PTPRZ1: variants seen among roughly 807,000 people sequenced by gnomAD.
The protein encoded by PTPRZ1 is protein tyrosine phosphatase receptor type Z1, also known as receptor-type tyrosine-protein phosphatase zeta.
PTPRZ1 carries 82 observed loss-of-function variants against 214.1 expected under a neutral mutation model. The ratio of observed to expected loss-of-function variants is 0.38; its 90% CI spans 0.32 to 0.46. The LOEUF (loss-of-function observed/expected upper bound fraction) is 0.46, where lower values mean the gene tolerates loss of function less well. Among genes scored for constraint, PTPRZ1 ranks in the 20% least tolerant of loss-of-function variants. PTPRZ1 has a pLI of 1.00. For missense variants in PTPRZ1, 2,603 were observed against 2,748.7 expected (o/e 0.95, Z 1.19); for synonymous variants, 945 against 987.9 (o/e 0.96, Z 0.81).
chr7:121,933,931 T>G (rs998604434), intron 2 of PTPRZ1, among the ~76,000 whole-genome samples: 9 of 152,156 alleles, frequency 5.9e-5, no homozygotes, highest in African/African-American at 2.2e-4. Context: ...AGACTGTTCC[T>G]TTCTAATTTC....
chr7:121,920,254 G>T (rs1302260040), intron 1 of PTPRZ1, among the ~76,000 whole-genome samples: 1 of 152,144 alleles, frequency 6.6e-6, no homozygotes, highest in Admixed American at 6.6e-5. Flanking sequence ...AGCTTTCAGT[G>T]AAAGTACGTG....
At chr7:121,999,968 G>A (rs2116622354) in intron 10 of PTPRZ1, among the ~76,000 whole-genome samples, 1 of 152,170 alleles carries the variant, frequency 6.6e-6, no homozygotes, top group Non-Finnish European at 1.5e-5. Context: ...ATGCTTGTTT[G>A]GATACACCAT....
chr7:121,911,870 G>A (rs1283657177), intron 1 of PTPRZ1, among the ~76,000 whole-genome samples: 1 of 150,996 alleles, frequency 6.6e-6, no homozygotes, highest in Non-Finnish European at 1.5e-5. Context: ...AATATTACAG[G>A]CACCTAGATA....
intron 3 of PTPRZ1, among the ~76,000 whole-genome samples, chr7:121,970,878 A>G (rs960330294): frequency 3.3e-5 from 5 of 152,164 alleles, no homozygotes; most frequent in African/African-American, 1.2e-4. Context: ...GTCCTTGCCC[A>G]TGCCTATGTC....
At chr7:121,936,894 G>A (rs1796100626) in intron 2 of PTPRZ1, among the ~76,000 whole-genome samples, 1 of 152,104 alleles carries the variant, frequency 6.6e-6, no homozygotes, top group African/African-American at 2.4e-5. Flanking sequence ...AAACAGAAAC[G>A]AGCAAACATG....
rs1167282452 is a variant in PTPRZ1, at chr7:122,023,650, A to T, written c.4988+4382A>T. On this transcript the variant is annotated intron_variant, in intron 13 of 29. Transcript: ENST00000393386. ...TATATGTATAATTTTATATATAATT[A>T]TATATATTATATGTATAATTTTATA... Among the ~76,000 whole-genome samples, 97 of 105,414 alleles carry T rather than the reference A, an allele frequency of 9.2e-4. 1 individual carries two copies. The highest frequency in any genetic ancestry group is 2.8e-3 in the African/African-American group (63 of 22,320). 69.2% of individuals were successfully genotyped at this position (105,414 alleles called of 152,430 possible). A position where few individuals can be genotyped will look rare whatever the true frequency, so the allele number is the denominator to read the frequency against.
intron 8 of PTPRZ1, among the ~76,000 whole-genome samples, chr7:121,989,601 C>A (rs1167860107): frequency 1.3e-5 from 2 of 152,026 alleles, no homozygotes; most frequent in Non-Finnish European, 2.9e-5. Context: ...CTTGAACTCC[C>A]GAACTCAGGT....
At chr7:121,909,131 G>A (rs138347041) in intron 1 of PTPRZ1, among the ~76,000 whole-genome samples, 1 of 152,250 alleles carries the variant, frequency 6.6e-6, no homozygotes, top group East Asian at 1.9e-4. Context: ...AAAACTGGAG[G>A]ACAAAGTTAT....
intron 29 of PTPRZ1, 72 bp downstream of exon 29, chr7:122,059,960 CTT>C: frequency 7.0e-7 from 1 of 1,435,874 alleles, no homozygotes; most frequent in South Asian, 1.4e-5. Flanking sequence ...CTGCTGAAAT[CTT>C]ATGTATCAAG....
chr7:121,925,557 A>G (rs192234319), intron 1 of PTPRZ1, among the ~76,000 whole-genome samples: 5 of 152,324 alleles, frequency 3.3e-5, no homozygotes, highest in Admixed American at 3.3e-4. Context: ...GAAATACTTT[A>G]CTCAAGGCTG....
chr7:121,952,880 TA>T (rs1241616693), intron 2 of PTPRZ1, among the ~76,000 whole-genome samples: 2 of 152,106 alleles, frequency 1.3e-5, no homozygotes. Context: ...TTACTTATAC[TA>T]AAACACATAA....
intron 1 of PTPRZ1, chr7:121,909,088 G>A: frequency 2.6e-6 from 1 of 382,822 alleles, no homozygotes; most frequent in East Asian, 6.7e-5. Context: ...CTTAAAATTA[G>A]AGTATAATGG....
At chr7:122,060,034 T>C (rs2215358) in intron 29 of PTPRZ1, 146 bp downstream of exon 29, 1 of 785,030 alleles carries the variant, frequency 1.3e-6, no homozygotes, top group East Asian at 2.8e-5. Context: ...AAGTCCACAA[T>C]CCATAGAACA....
chr7:121,905,677 A>ACACACACACACACACACACACACAC (rs368191821), intron 1 of PTPRZ1, among the ~76,000 whole-genome samples: 1 of 151,776 alleles, frequency 6.6e-6, no homozygotes, highest in Non-Finnish European at 1.5e-5. Context: ...ACACACACAC[A>ACACACACACACACACACACACACAC]AATGGTGGGC....
At chr7:121,931,996 A>G (rs375498493) in intron 2 of PTPRZ1, among the ~76,000 whole-genome samples, 34 of 152,302 alleles carry the variant, frequency 2.2e-4, no homozygotes, top group Non-Finnish European at 3.8e-4. Flanking sequence ...AAGCTTACCA[A>G]AGTTTTTTAA....
intron 1 of PTPRZ1, among the ~76,000 whole-genome samples, chr7:121,884,115 A>G (rs1794324253): frequency 6.6e-6 from 1 of 152,136 alleles, no homozygotes; most frequent in Non-Finnish European, 1.5e-5. Flanking sequence ...CAGTTGTGCT[A>G]TATATGAGTT....
chr7:121,899,586 T>G (rs1323745900), intron 1 of PTPRZ1, among the ~76,000 whole-genome samples: 1 of 152,106 alleles, frequency 6.6e-6, no homozygotes, highest in Non-Finnish European at 1.5e-5. Context: ...AAAGCTTGAG[T>G]CCTGGAGCTC....
rs143122209 is a variant in PTPRZ1, at chr7:121,980,093, C to T, written c.619+3242C>T. Among the ~76,000 whole-genome samples the T allele has an allele frequency of 3.8e-4, 58 of 152,088 alleles. 1 individual carries two copies. In the East Asian group the frequency reaches 8.3e-3, roughly 22 times the overall value. On this transcript the variant is annotated intron_variant, in intron 6 of 29. Coordinates refer to ENST00000393386, the MANE Select transcript of PTPRZ1 (RefSeq NM_002851.3). ...AATTTTTTCCCCTTTAATTTCTTTC[C>T]CAATAATAGGAAAATTCTCTGTCTC...
At chr7:121,981,683 G>C (rs1325169195) in intron 6 of PTPRZ1, among the ~76,000 whole-genome samples, 1 of 152,134 alleles carries the variant, frequency 6.6e-6, no homozygotes, top group Non-Finnish European at 1.5e-5. Context: ...AGGCCAGATG[G>C]CCCACCTAAG....
Sources: gnomAD v4.1 joint callset for allele counts (sites outside exome capture counted in the v4.1 genomes callset) on GRCh38, gnomAD v4.1.1 for gene constraint, MANE v1.5 for transcripts, NCBI Gene and HGNC (gene_info 2026-07-23, HGNC 2026-07-21) for gene names.